Variants in CUX1 observed in about 807,000 individuals in gnomAD.
CUX1 encodes the protein protein CASP.
CUX1 carries 31 observed loss-of-function variants against 158.8 expected under a neutral mutation model. The observed-to-expected ratio is 0.20, with a 90% CI of 0.15 to 0.26. The LOEUF (loss-of-function observed/expected upper bound fraction) is 0.26, where lower values mean the gene tolerates loss of function less well. Among genes scored for constraint, CUX1 ranks in the 10% least tolerant of loss-of-function variants. The pLI is 1.00. For missense variants in CUX1, 1,589 were observed against 2,014.6 expected (o/e 0.79, Z 4.04); for synonymous variants, 879 against 862.1 (o/e 1.02, Z -0.34).
intron 7 of CUX1, among the ~76,000 whole-genome samples, chr7:102,112,449 G>A (rs368187106): frequency 2.6e-4 from 39 of 152,252 alleles, no homozygotes; most frequent in African/African-American, 8.7e-4. Flanking sequence ...CATCATGTTA[G>A]CCAGGATGGT....
intron 3 of CUX1, among the ~76,000 whole-genome samples, chr7:102,041,547 C>A (rs1181126415): frequency 9.2e-5 from 14 of 152,036 alleles, no homozygotes; most frequent in Admixed American, 9.2e-4. Flanking sequence ...AGCCACCATG[C>A]CCTTGCCTTA....
chr7:102,025,464 C>G (rs960500953), intron 2 of CUX1, among the ~76,000 whole-genome samples: 1 of 151,440 alleles, frequency 6.6e-6, no homozygotes, highest in Non-Finnish European at 1.5e-5. Context: ...CCTGTCTCTA[C>G]GAAAAATACA....
intron 5 of CUX1, among the ~76,000 whole-genome samples, chr7:102,098,540 G>A (rs1554485118): frequency 6.6e-6 from 1 of 152,080 alleles, no homozygotes; most frequent in Non-Finnish European, 1.5e-5. Flanking sequence ...GAACCCAGGA[G>A]GTCAAGCCTG....
intron 20 of CUX1, among the ~76,000 whole-genome samples, chr7:102,212,428 C>T (rs1302878797): frequency 3.4e-4 from 52 of 152,206 alleles, no homozygotes; most frequent in Admixed American, 6.5e-5. Flanking sequence ...CTCGGCCCCC[C>T]AAAGTCTCTG....
At chr7:101,859,227 C>G (rs575910818) in intron 1 of CUX1, among the ~76,000 whole-genome samples, 63 of 152,288 alleles carry the variant, frequency 4.1e-4, no homozygotes, top group African/African-American at 1.5e-3. Flanking sequence ...GGCATCCCTC[C>G]CTGCACCTGA....
intron 8 of CUX1, among the ~76,000 whole-genome samples, chr7:102,146,592 TTTTC>T (rs1371009317): frequency 2.3e-4 from 35 of 152,166 alleles, no homozygotes; most frequent in African/African-American, 6.0e-4. Context: ...TTGGTTTGTT[TTTTC>T]TTTCTTTCTT....
At chr7:101,962,098 C>G (rs895265982) in intron 2 of CUX1, among the ~76,000 whole-genome samples, 18 of 152,122 alleles carry the variant, frequency 1.2e-4, no homozygotes, top group African/African-American at 4.3e-4. Context: ...ACATACTCTG[C>G]CATGACATAT....
chr7:102,197,005 A>G lies in CUX1; in HGVS notation c.1594A>G (p.Met532Val), dbSNP rs936711780. 4 of 1,614,256 alleles carry G rather than the reference A, an allele frequency of 2.5e-6. No homozygotes were observed. The highest frequency in any genetic ancestry group is 1.3e-5 in the African/African-American group (1 of 75,068). Residue 532 changes from methionine to valine, a missense_variant, in exon 15 of 24, where the codon ATG becomes GTG. Physicochemically the swap from Met to Val is conservative, Grantham distance 21. Around this residue, in one of 8 missense-constraint regions of CUX1, gnomAD observed 515 missense variants for 574.4 expected, o/e 0.90. Coordinates refer to ENST00000292535, the MANE Select transcript of CUX1 (RefSeq NM_181552.4). Reference sequence around the variant, plus strand: ...ACAACAAAGCCCAGATGTCAATGGCATGGCCCCATCCCCCAGCCAGTCAGA... The same window carrying G: ...ACAACAAAGCCCAGATGTCAATGGCGTGGCCCCATCCCCCAGCCAGTCAGA... ...PLQQSPDVNGMAPSPSQSESA... is the reference protein window; with the variant it reads ...PLQQSPDVNGVAPSPSQSESA...
rs1554518083 is a variant in CUX1, at chr7:102,195,613, C to A, written c.1222+10C>A. Reference sequence around the variant, plus strand: ...AACAGCGACCTGAGCGGTAGGTTGGCCGGGCTTCGCGCGTGTGCGGTGGTT... The same window carrying A: ...AACAGCGACCTGAGCGGTAGGTTGGACGGGCTTCGCGCGTGTGCGGTGGTT... On this transcript the variant is annotated intron_variant, in intron 14 of 23. Coordinates refer to ENST00000292535, the MANE Select transcript of CUX1 (RefSeq NM_181552.4). The A allele has an allele frequency of 6.3e-7, 1 of 1,596,212 alleles. No homozygotes were observed. Among genetic ancestry groups the A allele is most frequent in the Non-Finnish European group, 8.5e-7 (1 of 1,172,780 alleles).
At chr7:101,838,099 T>C (rs112725173) in intron 1 of CUX1, among the ~76,000 whole-genome samples, 3 of 151,902 alleles carry the variant, frequency 2.0e-5, no homozygotes, top group Admixed American at 2.0e-4. Flanking sequence ...GTGCCCTAAA[T>C]CTTTTTCTCC....
intron 1 of CUX1, among the ~76,000 whole-genome samples, chr7:101,821,247 T>TCCC (rs142508756): frequency 6.7e-5 from 10 of 149,600 alleles, no homozygotes; most frequent in East Asian, 3.9e-4. Context: ...GAGAAGATAC[T>TCCC]CCCCCCCGCC....
At chr7:102,134,822 C>T (rs192706185) in intron 8 of CUX1, among the ~76,000 whole-genome samples, 33 of 152,204 alleles carry the variant, frequency 2.2e-4, no homozygotes, top group African/African-American at 7.9e-4. Flanking sequence ...TCTCAAACTC[C>T]TGGGCTCAAG....
At chr7:101,857,068 C>A (rs1302953227) in intron 1 of CUX1, among the ~76,000 whole-genome samples, 1 of 152,236 alleles carries the variant, frequency 6.6e-6, no homozygotes. Flanking sequence ...TCCTCTCCAG[C>A]AGGTGGACTC....
intron 20 of CUX1, among the ~76,000 whole-genome samples, chr7:102,214,654 G>A (rs1211387727): frequency 6.6e-6 from 1 of 152,218 alleles, no homozygotes; most frequent in African/African-American, 2.4e-5. Flanking sequence ...CAGCTGTCAC[G>A]GCCCCCCGGA....
chr7:102,027,671 G>C (rs1272805614), intron 2 of CUX1, among the ~76,000 whole-genome samples: 1 of 152,130 alleles, frequency 6.6e-6, no homozygotes, highest in Admixed American at 6.6e-5. Context: ...CCCTCGCCTG[G>C]ACGACATGAT....
At chr7:102,111,599 G>T in intron 6 of CUX1, 99 bp from the exon 7 acceptor site, 1 of 1,132,384 alleles carries the variant, frequency 8.8e-7, no homozygotes, top group Non-Finnish European at 1.3e-6. Context: ...CCTGCCGCCA[G>T]CTGAGCGCAG....
chr7:102,243,659 T>G (rs1343007957), intron 23 of CUX1, among the ~76,000 whole-genome samples: 1 of 146,130 alleles, frequency 6.8e-6, no homozygotes, highest in South Asian at 2.2e-4. Context: ...ATAATAATAA[T>G]AATAATAATA....
At position 101,916,894 on chromosome 7, in the gene CUX1, A is replaced by C. The variant is rs1450721128; in HGVS notation, c.141+669A>C. On this transcript the variant is annotated intron_variant, in intron 2 of 23. Coordinates refer to ENST00000292535, the MANE Select transcript of CUX1 (RefSeq NM_181552.4). This position sits in a 1 kb window ranked among gnomAD's most constrained non-coding sequence, Gnocchi z 4.4. ...CCCCTTCTTCCTTCCCTTCAACCCT[A>C]TCAGGGGCTTACTAAGAAAAAAAAA... Among the ~76,000 whole-genome samples the C allele has an allele frequency of 6.7e-6, 1 of 149,956 alleles. No individual in the cohort carries two copies.
chr7:102,037,771 A>G (rs1322064717), intron 3 of CUX1, among the ~76,000 whole-genome samples: 3 of 151,678 alleles, frequency 2.0e-5, no homozygotes, highest in Non-Finnish European at 2.9e-5. Context: ...AAGTGGAAAC[A>G]TGGCCGGGTG....
Sources: gnomAD v4.1 joint callset for allele counts (sites outside exome capture counted in the v4.1 genomes callset) on GRCh38, gnomAD v4.1.1 for gene constraint, gnomAD v4.1.1 regional missense constraint, Gnocchi (gnomAD v3.1) non-coding constraint, MANE v1.5 for transcripts, NCBI Gene and HGNC (gene_info 2026-07-23, HGNC 2026-07-21) for gene names.